The following AADACL4 variants were observed in gnomAD, a reference collection of about 807,000 sequenced individuals.
The protein encoded by AADACL4 is arylacetamide deacetylase like 4.
AADACL4 carries 9 observed loss-of-function variants against 14.1 expected under a neutral mutation model. That is an observed-to-expected ratio of 0.64 (90% CI 0.39 to 1.12). AADACL4 has a LOEUF of 1.12. Among genes scored for constraint, AADACL4 ranks in the 50% most tolerant of loss-of-function variants. The pLI is 0.01. For synonymous variants in AADACL4, 188 were observed against 201.6 expected, an observed-to-expected ratio of 0.93 and a Z score of 0.57; for missense variants, 531 against 516.1, an observed-to-expected ratio of 1.03 and a Z score of -0.28.
At chr1:12,654,230 A>G (rs892180215) in intron 2 of AADACL4, among the ~76,000 whole-genome samples, 1 of 152,208 alleles carries the variant, frequency 6.6e-6, no homozygotes, top group Non-Finnish European at 1.5e-5. Flanking sequence ...TAAGTCTTGA[A>G]CTACTGTTTG....
chr1:12,655,506 G>C (rs1290587653), intron 2 of AADACL4, among the ~76,000 whole-genome samples: 3 of 151,666 alleles, frequency 2.0e-5, no homozygotes, highest in African/African-American at 7.3e-5. Context: ...AGTGAGGGCA[G>C]GGTCTAGGTG....
At position 12,644,565 on chromosome 1, in the gene AADACL4, G is replaced by C; in HGVS notation, c.19G>C (p.Val7Leu). ...CAGGAACATGGCTGTCCCCTGGCTA[G>C]TGCTACTCTTGGCATTGCCCATCTT... MAVPWL[V>L]LLLALPIFFL... Residue 7 changes from valine (V) to leucine (L), a missense_variant, in exon 1 of 4, where the codon GTG (valine) becomes CTG (leucine). Physicochemically the swap from Val to Leu is conservative, Grantham distance 32 (BLOSUM62 1). Transcript: ENST00000376221. 6.2e-7 allele frequency: 1 copy of C among 1,614,112 alleles called. No individual in the cohort carries two copies. The highest frequency in any genetic ancestry group is 2.2e-5 in the East Asian group (1 of 44,870).
chr1:12,659,944 G>C (rs1647213805), intron 2 of AADACL4, among the ~76,000 whole-genome samples: 1 of 152,158 alleles, frequency 6.6e-6, no homozygotes, highest in Non-Finnish European at 1.5e-5. Flanking sequence ...TCAGCCTCCT[G>C]AGTAGCTGGG....
chr1:12,654,621 T>A (rs1294286987), intron 2 of AADACL4, among the ~76,000 whole-genome samples: 1 of 152,110 alleles, frequency 6.6e-6, no homozygotes, highest in East Asian at 1.9e-4. Flanking sequence ...GGGGGTTCAG[T>A]CAGGCTGGTG....
At chr1:12,652,365 C>T (rs1281322627) in intron 2 of AADACL4, among the ~76,000 whole-genome samples, 1 of 152,202 alleles carries the variant, frequency 6.6e-6, no homozygotes, top group African/African-American at 2.4e-5. Context: ...CCCTTCCCAC[C>T]CCTGTCATTG....
At chr1:12,664,122 A>G (rs1169253765) in intron 3 of AADACL4, among the ~76,000 whole-genome samples, 2 of 152,228 alleles carry the variant, frequency 1.3e-5, no homozygotes, top group Non-Finnish European at 2.9e-5. Context: ...TCAAAGAAGA[A>G]GAAGAAAGAG....
chr1:12,652,498 C>T (rs555106841), intron 2 of AADACL4, among the ~76,000 whole-genome samples: 48 of 152,330 alleles, frequency 3.2e-4, no homozygotes, highest in African/African-American at 1.0e-3. Context: ...GGTGTCCCTG[C>T]TCTTGAAACC....
chr1:12,661,723 T>G (rs1647231349), intron 2 of AADACL4, 68 bp from the exon 3 acceptor site: 10 of 1,489,714 alleles, frequency 6.7e-6, no homozygotes, highest in Non-Finnish European at 9.4e-6. Flanking sequence ...TGGCTCTTCC[T>G]GGGGGCTGTG....
intron 3 of AADACL4, among the ~76,000 whole-genome samples, 185 bp from the exon 4 acceptor site, chr1:12,665,776 T>C (rs1647309450): frequency 6.6e-6 from 1 of 152,218 alleles, no homozygotes; most frequent in Non-Finnish European, 1.5e-5. Flanking sequence ...TCCTTGCCTG[T>C]ATGACTCTAG....
intron 2 of AADACL4, among the ~76,000 whole-genome samples, chr1:12,652,306 C>G (rs1284207059): frequency 6.6e-6 from 1 of 152,174 alleles, no homozygotes; most frequent in Non-Finnish European, 1.5e-5. Flanking sequence ...CACTTAAGCT[C>G]CTTCTCACCA....
Position 12,644,505 on chromosome 1 carries a change from G to A in AADACL4, c.-42G>A. On this transcript the variant is annotated 5_prime_UTR_variant, in exon 1 of 4. Transcript: ENST00000376221. ...CAGGTCCTCTTCACATAAGCTATCA[G>A]ACAAGCTCCTCAGGGCAGCAGCTCC... 2 of 1,603,212 alleles carry A rather than the reference G, an allele frequency of 1.2e-6. No individual in the cohort carries two copies. Among genetic ancestry groups the A allele is most frequent in the Non-Finnish European group, 1.7e-6 (2 of 1,174,928 alleles).
In AADACL4 at chr1:12,644,468, G is replaced by C; in HGVS notation, c.-79G>C. On this transcript the variant is annotated 5_prime_UTR_variant, in exon 1 of 4. Transcript: ENST00000376221. ...GAGAGTGAGGTGGAGGAGGCGGAGG[G>C]TGTAACCCAGCCAGGTCCTCTTCAC... 6.6e-7 allele frequency: 1 copy of C among 1,525,586 alleles called. No homozygotes were observed. The highest frequency in any genetic ancestry group is 8.9e-7 in the Non-Finnish European group (1 of 1,122,360). The allele number at this position is 1,525,586 out of a possible 1,614,324, so 94.5% of individuals were successfully genotyped here.
chr1:12,663,614 T>C (rs1485546110), intron 3 of AADACL4, among the ~76,000 whole-genome samples: 4 of 152,160 alleles, frequency 2.6e-5, no homozygotes, highest in Non-Finnish European at 5.9e-5. Flanking sequence ...GAGAGAAGTG[T>C]AGGGAGGCAC....
At chr1:12,661,728 G>A (rs118115612) in intron 2 of AADACL4, 63 bp from the exon 3 acceptor site, 1 of 1,503,140 alleles carries the variant, frequency 6.7e-7, no homozygotes, top group South Asian at 1.1e-5. Flanking sequence ...CTTCCTGGGG[G>A]CTGTGGTGAG....
At chr1:12,660,067 C>T (rs1041980524) in intron 2 of AADACL4, among the ~76,000 whole-genome samples, 1 of 152,250 alleles carries the variant, frequency 6.6e-6, no homozygotes, top group Admixed American at 6.5e-5. Flanking sequence ...ATCCCCCCAC[C>T]TTGGCCTTCC....
intron 1 of AADACL4, among the ~76,000 whole-genome samples, chr1:12,647,570 A>C (rs1468472128): frequency 6.6e-6 from 1 of 152,234 alleles, no homozygotes; most frequent in African/African-American, 2.4e-5. Context: ...TTATAGATTT[A>C]AAAGTTGCTA....
chr1:12,663,657 A>G (rs986302503), intron 3 of AADACL4, among the ~76,000 whole-genome samples: 2 of 151,988 alleles, frequency 1.3e-5, no homozygotes, highest in Non-Finnish European at 2.9e-5. Flanking sequence ...GGCAGGTCAC[A>G]GATTTTGCCA....
intron 2 of AADACL4, among the ~76,000 whole-genome samples, chr1:12,653,648 A>C (rs1647163247): frequency 6.6e-6 from 1 of 152,188 alleles, no homozygotes; most frequent in Non-Finnish European, 1.5e-5. Context: ...CCTGGGATCC[A>C]AATCCTGTAA....
chr1:12,646,857 T>C (rs1647114630), intron 1 of AADACL4, among the ~76,000 whole-genome samples: 1 of 152,014 alleles, frequency 6.6e-6, no homozygotes, highest in Non-Finnish European at 1.5e-5. Flanking sequence ...GGGGTGATGA[T>C]GATGAGGATG....
Sources: allele counts gnomAD v4.1 joint callset (sites outside exome capture counted in the v4.1 genomes callset), GRCh38; gene constraint gnomAD v4.1.1; transcripts MANE v1.5; gene names NCBI Gene and HGNC (gene_info 2026-07-23, HGNC 2026-07-21).